STK33: variants seen among roughly 807,000 people sequenced by gnomAD.
STK33 encodes the protein serine/threonine kinase 33.
In STK33, 52 loss-of-function variants were observed where a neutral mutation model predicts 58.0. The ratio of observed to expected loss-of-function variants is 0.90; its 90% CI spans 0.72 to 1.13. The LOEUF is 1.13. STK33 is among the 50% of genes most tolerant of loss of function. The pLI, the probability that STK33 is intolerant of heterozygous loss-of-function variation, is 0.00. For synonymous variants in STK33, 215 were observed against 200.1 expected (o/e 1.07, Z -0.63); for missense variants, 630 against 604.2 (o/e 1.04, Z -0.45).
chr11:8,461,345 G>A (rs1395047980), intron 8 of STK33, among the ~76,000 whole-genome samples: 1 of 152,148 alleles, frequency 6.6e-6, no homozygotes, highest in Non-Finnish European at 1.5e-5. Flanking sequence ...AGGGAAATAT[G>A]AAGATAAAAC....
the STK33 span, among the ~76,000 whole-genome samples, chr11:8,336,497 A>C: frequency 0.026 from 3,921 of 152,176 alleles, 140 homozygotes; most frequent in African/African-American, 0.086. Flanking sequence ...CCTTTTTCTG[A>C]CTCACCCAGC....
rs376401919 is a variant in STK33 at position 8,433,942 on chromosome 11, C to T, written c.1146+1552G>A. ...CAGAGTGATCTTTTAAGAATATTATCGGCCGGGCATGGTGGCTCACACCTG... is the reference window on the plus strand; with the variant it reads ...CAGAGTGATCTTTTAAGAATATTATTGGCCGGGCATGGTGGCTCACACCTG... On this transcript the variant is annotated intron_variant, in intron 14 of 15. Coordinates refer to ENST00000687296, the MANE Select transcript of STK33 (RefSeq NM_001352389.2). 1.4e-3 allele frequency: 207 copies of T among 152,888 alleles called. No individual in the cohort carries two copies. The Middle Eastern group carries it at 0.027, about 20-fold the overall frequency. 9.5% of individuals were successfully genotyped at this position (152,888 alleles called of 1,614,324 possible). A position where few individuals can be genotyped will look rare whatever the true frequency, so the allele number is the denominator to read the frequency against.
intron 1 of STK33, among the ~76,000 whole-genome samples, chr11:8,575,952 C>T (rs1230131271): frequency 1.3e-5 from 2 of 152,080 alleles, no homozygotes; most frequent in Non-Finnish European, 2.9e-5. Context: ...CAAGCTTATA[C>T]TGTATTCTAA....
At chr11:8,399,278 C>G (rs530711531) in intron 15 of STK33, among the ~76,000 whole-genome samples, 1 of 152,334 alleles carries the variant, frequency 6.6e-6, no homozygotes, top group Non-Finnish European at 1.5e-5. Context: ...TCTCAGACAA[C>G]AGAGCAATCA....
At chr11:8,537,493 T>C (rs1025953476) in intron 1 of STK33, among the ~76,000 whole-genome samples, 3 of 152,240 alleles carry the variant, frequency 2.0e-5, no homozygotes, top group African/African-American at 7.2e-5. Flanking sequence ...CCAACACTTG[T>C]GTCATCTCAA....
intron 1 of STK33, among the ~76,000 whole-genome samples, chr11:8,510,375 A>T: frequency 6.6e-6 from 1 of 151,956 alleles, no homozygotes; most frequent in East Asian, 1.9e-4. Context: ...TGACTTGCTT[A>T]AGTTCCTTGT....
At chr11:8,404,296 A>C (rs1203542604) in intron 15 of STK33, among the ~76,000 whole-genome samples, 5 of 152,244 alleles carry the variant, frequency 3.3e-5, no homozygotes, top group Non-Finnish European at 5.9e-5. Flanking sequence ...ACTGAGGTAT[A>C]ATCTATATAC....
intron 1 of STK33, among the ~76,000 whole-genome samples, chr11:8,526,722 T>C (rs1404034418): frequency 6.6e-6 from 1 of 151,092 alleles, no homozygotes; most frequent in Non-Finnish European, 1.5e-5. Flanking sequence ...GGTATAAATC[T>C]AATGCAAGAT....
rs575005349 is a variant in STK33 at position 8,402,924 on chromosome 11, C to T, written c.1345-10214G>A. On this transcript the variant is annotated intron_variant, in intron 15 of 15. Coordinates refer to ENST00000687296, the MANE Select transcript of STK33 (RefSeq NM_001352389.2). The stretch of plus-strand genomic sequence containing the variant: ...TGGAGGGATTCCTCAGGGATCTATG[C>T]TGTCACTGATGCAATTTTATAGTTT... 4.9e-4 allele frequency among the ~76,000 whole-genome samples: 74 copies of T among 152,294 alleles called. 3 individuals are homozygous for T. The South Asian group carries it at 0.014, about 29-fold the overall frequency.
intron 1 of STK33, chr11:8,555,122 C>T (rs1956643201): frequency 6.6e-6 from 1 of 151,744 alleles, no homozygotes; most frequent in Non-Finnish European, 1.5e-5. Flanking sequence ...AGCTGGGCAG[C>T]CTTGTTTACC....
At chr11:8,563,563 A>G (rs1295928284) in intron 1 of STK33, among the ~76,000 whole-genome samples, 1 of 152,192 alleles carries the variant, frequency 6.6e-6, no homozygotes, top group Non-Finnish European at 1.5e-5. Flanking sequence ...CCATTCTTCA[A>G]TAGCAACAGT....
chr11:8,446,526 A>C (rs1051129460), intron 11 of STK33, among the ~76,000 whole-genome samples: 1 of 152,140 alleles, frequency 6.6e-6, no homozygotes, highest in Non-Finnish European at 1.5e-5. Flanking sequence ...CCTAAGCAAA[A>C]AGAACAAAGC....
chr11:8,497,783 G>C (rs907646728), intron 1 of STK33, among the ~76,000 whole-genome samples: 7 of 152,012 alleles, frequency 4.6e-5, no homozygotes, highest in Admixed American at 3.9e-4. Flanking sequence ...AGTTCTGAAA[G>C]GAAAAAACAA....
At chr11:8,354,499 CACACACACACACACACA>C in the STK33 span, among the ~76,000 whole-genome samples, 1 of 151,342 alleles carries the variant, frequency 6.6e-6, no homozygotes, top group Non-Finnish European at 1.5e-5. Context: ...CACACACACA[CACACACACACACACACA>C]CCCCTCAGAC....
rs561250875 is a variant in STK33 at position 8,453,316 on chromosome 11, T to C, written c.787-410A>G. Reference sequence around the variant, plus strand: ...CTATGTTTCTGATAATCAAGTTATATTCCAGTTTAAAGCACTGTTATAAAT... The same window carrying C: ...CTATGTTTCTGATAATCAAGTTATACTCCAGTTTAAAGCACTGTTATAAAT... On this transcript the variant is annotated intron_variant, in intron 10 of 15. Coordinates refer to ENST00000687296, the MANE Select transcript of STK33 (RefSeq NM_001352389.2). 6.6e-5 allele frequency among the ~76,000 whole-genome samples: 10 copies of C among 152,368 alleles called. No individual in the cohort carries two copies. The East Asian group carries it at 1.5e-3, about 23-fold the overall frequency.
downstream of STK33, among the ~76,000 whole-genome samples, chr11:8,387,016 T>A (rs1848553226): frequency 2.0e-5 from 3 of 152,176 alleles, no homozygotes; most frequent in Non-Finnish European, 4.4e-5. Context: ...AAAAACATAT[T>A]CAAAGGCTTC....
chr11:8,533,213 T>C (rs1257906423), intron 1 of STK33: 1 of 152,236 alleles, frequency 6.6e-6, no homozygotes, highest in East Asian at 1.9e-4. Flanking sequence ...TCCAAAATAG[T>C]GGCCCAGAGT....
At chr11:8,566,723 T>C (rs1472493710) in intron 1 of STK33, among the ~76,000 whole-genome samples, 2 of 152,230 alleles carry the variant, frequency 1.3e-5, no homozygotes, top group Non-Finnish European at 2.9e-5. Context: ...CATACTTCTT[T>C]AATTTAGTAA....
intron 12 of STK33, 36 bp from the exon 13 acceptor site, chr11:8,436,175 A>T: frequency 8.3e-7 from 1 of 1,210,384 alleles, no homozygotes; most frequent in Non-Finnish European, 1.1e-6. Context: ...TAAATTTTTT[A>T]AATAATAAAA....
Sources: allele counts gnomAD v4.1 joint callset (sites outside exome capture counted in the v4.1 genomes callset), GRCh38; gene constraint gnomAD v4.1.1; transcripts MANE v1.5; gene names NCBI Gene and HGNC (gene_info 2026-07-23, HGNC 2026-07-21).